Variants in PCDHA6 observed in about 807,000 individuals in gnomAD.
PCDHA6 encodes protocadherin alpha 6.
In PCDHA6, 55 loss-of-function variants were observed where a neutral mutation model predicts 60.3. The observed-to-expected ratio is 0.91, with a 90% confidence interval of 0.73 to 1.14. The LOEUF (loss-of-function observed/expected upper bound fraction) is 1.14. PCDHA6 is among the 50% of genes most tolerant of loss of function. The probability of loss-of-function intolerance (pLI) is 0.00; values close to 1 mark genes in which losing one functional copy is unlikely to be tolerated. For missense variants in PCDHA6, 1,327 were observed against 1,256.5 expected, an observed-to-expected ratio of 1.06 and a Z score of -0.85; for synonymous variants, 652 against 557.9, an observed-to-expected ratio of 1.17 and a Z score of -2.38.
Position 140,845,229 on chromosome 5 carries a change from T to A in PCDHA6, c.2394+14744T>A, listed in dbSNP as rs189699970. Among the ~76,000 whole-genome samples, 147 of 149,698 alleles carry A rather than the reference T, an allele frequency of 9.8e-4. 9 individuals are homozygous for A. The highest frequency in any genetic ancestry group is 3.4e-3 in the African/African-American group (141 of 40,992). ...TAAGTCCTTTTAAAAAATATGATTA[T>A]CTTTATTATCCTGTTTGAATAATAT... On this transcript the variant is annotated intron_variant, in intron 1 of 3. Coordinates refer to ENST00000529310, the MANE Select transcript of PCDHA6 (RefSeq NM_018909.4).
intron 1 of PCDHA6, among the ~76,000 whole-genome samples, chr5:140,881,833 A>G (rs1371458560): frequency 6.6e-6 from 1 of 152,252 alleles, no homozygotes; most frequent in Non-Finnish European, 1.5e-5. Flanking sequence ...AAAGTTCTGC[A>G]TGGAATTCTT....
chr5:140,906,615 T>C (rs2072789527), intron 1 of PCDHA6, among the ~76,000 whole-genome samples: 1 of 152,226 alleles, frequency 6.6e-6, no homozygotes, highest in Admixed American at 6.5e-5. Context: ...TGTATTCCCT[T>C]TGCCTTCAGC....
chr5:140,857,004 T>C (rs1554149409), intron 1 of PCDHA6: 1 of 1,595,634 alleles, frequency 6.3e-7, no homozygotes, highest in Non-Finnish European at 8.6e-7. Context: ...GAAATTCATG[T>C]AGATGTTACA....
Position 140,829,491 on chromosome 5 carries a change from A to G in PCDHA6, c.1400A>G (p.Asn467Ser), listed in dbSNP as rs1770339510. ...GAGTACACAGTGTTCGTGAAGGAGA[A>G]CAACCCGCCGGGCTGCCACATCTTC... ...QPEYTVFVKE[N>S]NPPGCHIFTV... The change falls in exon 1 of 4, where the codon AAC (asparagine) becomes AGC (serine). Residue 467 changes from asparagine (N) to serine (S), a missense_variant. Asn to Ser is a conservative substitution (Grantham distance 46). Transcript: ENST00000529310. 1.2e-6 allele frequency: 2 copies of G among 1,613,552 alleles called. No individual in the cohort carries two copies. Among genetic ancestry groups the G allele is most frequent in the African/African-American group, 1.3e-5 (1 of 74,932 alleles).
At chr5:140,857,677 T>A (rs377237803) in intron 1 of PCDHA6, 6 of 1,596,766 alleles carry the variant, frequency 3.8e-6, no homozygotes, top group Non-Finnish European at 4.3e-6. Flanking sequence ...GCGTGCCGCC[T>A]CTGGGCAGCA....
At chr5:140,869,233 T>C in intron 1 of PCDHA6, 1 of 1,613,700 alleles carries the variant, frequency 6.2e-7, no homozygotes, top group Non-Finnish European at 8.5e-7. Context: ...ACACGGCACC[T>C]TCGTGGGCCG....
chr5:140,927,363 GAT>G (rs1188531316), intron 1 of PCDHA6: 33 of 1,613,946 alleles, frequency 2.0e-5, no homozygotes, highest in Non-Finnish European at 2.7e-5. Context: ...GAAGCAATGG[GAT>G]ACTAAGCTAC....
At chr5:140,927,989 A>T (rs2084847354) in intron 1 of PCDHA6, 1 of 1,614,208 alleles carries the variant, frequency 6.2e-7, no homozygotes, top group African/African-American at 1.3e-5. Flanking sequence ...AGTGTAAAGG[A>T]TGAAGACCTC....
At chr5:140,902,038 A>G (rs900077287) in intron 1 of PCDHA6, among the ~76,000 whole-genome samples, 13 of 152,040 alleles carry the variant, frequency 8.6e-5, no homozygotes, top group African/African-American at 2.9e-4. Context: ...TAATTTTTGT[A>G]TGTTGATTTT....
At chr5:140,886,288 A>G (rs1227734409) in intron 1 of PCDHA6, among the ~76,000 whole-genome samples, 4 of 151,870 alleles carry the variant, frequency 2.6e-5, no homozygotes, top group Middle Eastern at 3.2e-3. Flanking sequence ...AATTATTTTT[A>G]TATTTATTTA....
intron 1 of PCDHA6, among the ~76,000 whole-genome samples, chr5:140,855,664 C>G (rs2043557127): frequency 6.7e-6 from 1 of 149,694 alleles, no homozygotes. Flanking sequence ...GAAGAAATCA[C>G]TACTCTGAGA....
In PCDHA6 at chr5:140,858,143, A is replaced by T. The variant is rs781919234; in HGVS notation, c.2394+27658A>T. 1.9e-6 allele frequency: 3 copies of T among 1,597,218 alleles called. No homozygotes were observed. The South Asian group carries it at 3.3e-5, about 18-fold the overall frequency. On this transcript the variant is annotated intron_variant, in intron 1 of 3. Transcript: ENST00000529310. The stretch of plus-strand genomic sequence containing the variant: ...CCTGGTGGATGTCAACGTGTACCTG[A>T]TCATCGCCATCTGCGCGGTGTCCAG...
At chr5:140,934,563 T>A (rs1017456946) in intron 1 of PCDHA6, among the ~76,000 whole-genome samples, 1 of 152,212 alleles carries the variant, frequency 6.6e-6, no homozygotes, top group African/African-American at 2.4e-5. Flanking sequence ...TTCTTTTTTT[T>A]AATTAATTGT....
intron 3 of PCDHA6, among the ~76,000 whole-genome samples, chr5:140,986,619 C>T (rs1212565136): frequency 6.6e-6 from 1 of 152,134 alleles, no homozygotes; most frequent in Non-Finnish European, 1.5e-5. Flanking sequence ...CAGGCCTTAC[C>T]TAAGGCAACA....
chr5:140,853,975 C>A, intron 1 of PCDHA6: 1 of 594,170 alleles, frequency 1.7e-6, no homozygotes, highest in Non-Finnish European at 2.2e-6. Flanking sequence ...CAGTTTGAGA[C>A]CAATGTAGTG....
Position 140,929,404 on chromosome 5 carries a change from G to A in PCDHA6, c.2395-49545G>A, listed in dbSNP as rs530409256. 1.4e-5 allele frequency: 21 copies of A among 1,506,596 alleles called. No individual in the cohort carries two copies. The South Asian group carries it at 1.9e-4, about 14-fold the overall frequency. The allele number at this position is 1,506,596 out of a possible 1,614,324, so 93.3% of individuals were successfully genotyped here. A position where few individuals can be genotyped will look rare whatever the true frequency, so the allele number is the denominator to read the frequency against. ...GTGTTTTGAAATATTTCTTAGACAAGCCTTTCACAACATTTCATCAATTGA... is the reference window on the plus strand; with the variant it reads ...GTGTTTTGAAATATTTCTTAGACAAACCTTTCACAACATTTCATCAATTGA... On this transcript the variant is annotated intron_variant, in intron 1 of 3. Coordinates refer to ENST00000529310, the MANE Select transcript of PCDHA6 (RefSeq NM_018909.4).
intron 1 of PCDHA6, among the ~76,000 whole-genome samples, chr5:140,838,279 A>AT (rs1775640988): frequency 3.2e-5 from 2 of 62,672 alleles, no homozygotes; most frequent in Non-Finnish European, 5.9e-5. Context: ...AAGCCATGCT[A>AT]ATTTTTTTTT....
Position 140,841,862 on chromosome 5 carries a change from G to C in PCDHA6, c.2394+11377G>C, listed in dbSNP as rs145069696. 3.2e-4 allele frequency: 514 copies of C among 1,613,850 alleles called. 1 individual carries two copies. The highest frequency in any genetic ancestry group is 2.6e-3 in the Middle Eastern group (16 of 6,062). On this transcript the variant is annotated intron_variant, in intron 1 of 3. Transcript: ENST00000529310. ...TAGCTCTCATGATTACTTCATGCTA[G>C]ATGTGAATTCAAAGAACGATGAGAA...
intron 1 of PCDHA6, among the ~76,000 whole-genome samples, chr5:140,955,373 T>C (rs2338310): frequency 0.011 from 1,717 of 152,252 alleles, 30 homozygotes; most frequent in African/African-American, 0.038. Context: ...TGGGAGGTAA[T>C]TGAATCATGG....
Sources: allele counts gnomAD v4.1 joint callset (sites outside exome capture counted in the v4.1 genomes callset), GRCh38; gene constraint gnomAD v4.1.1; transcripts MANE v1.5; gene names NCBI Gene and HGNC (gene_info 2026-07-23, HGNC 2026-07-21).